Variants in TRDN observed in about 807,000 individuals in gnomAD.
The protein encoded by TRDN is triadin, also known as triadin in skeletal muscle.
A neutral mutation model predicts 149.7 loss-of-function variants in TRDN; 161 were observed. The observed-to-expected ratio is 1.08, with a 90% CI of 0.95 to 1.23. TRDN has a LOEUF of 1.23. Ranked by LOEUF, TRDN falls within the 50% of genes most tolerant of loss-of-function variation. TRDN has a pLI of 0.00. For missense variants in TRDN, 896 were observed against 823.5 expected (o/e 1.09, Z -1.08); for synonymous variants, 294 against 250.5 (o/e 1.17, Z -1.64).
chr6:123,596,214 A>G (rs1365677559), intron 1 of TRDN, among the ~76,000 whole-genome samples: 1 of 152,080 alleles, frequency 6.6e-6, no homozygotes, highest in Non-Finnish European at 1.5e-5. Context: ...CAAACCAACC[A>G]AAACACTCCC....
intron 4 of TRDN, among the ~76,000 whole-genome samples, chr6:123,543,446 C>T (rs576350888): frequency 2.0e-5 from 3 of 152,106 alleles, no homozygotes; most frequent in East Asian, 1.9e-4. Context: ...AAAACATGTC[C>T]GAATTCTGTA....
At chr6:123,308,104 C>T (rs111703079) in intron 24 of TRDN, among the ~76,000 whole-genome samples, 76 of 152,136 alleles carry the variant, frequency 5.0e-4, no homozygotes, top group African/African-American at 1.5e-3. Context: ...TAACTGAGAA[C>T]TTGCAGTATT....
At chr6:123,610,805 A>T (rs766860218) in intron 1 of TRDN, among the ~76,000 whole-genome samples, 5 of 152,210 alleles carry the variant, frequency 3.3e-5, no homozygotes, top group Non-Finnish European at 5.9e-5. Context: ...ATTTAACAAA[A>T]GAAAAAAACT....
chr6:123,437,711 A>G (rs1300753405), intron 12 of TRDN, among the ~76,000 whole-genome samples: 1 of 152,154 alleles, frequency 6.6e-6, no homozygotes, highest in Admixed American at 6.5e-5. Flanking sequence ...TTGTGAAACT[A>G]CTTCTTACCA....
chr6:123,540,280 C>G (rs1780760463), intron 4 of TRDN, among the ~76,000 whole-genome samples: 1 of 152,150 alleles, frequency 6.6e-6, no homozygotes, highest in Non-Finnish European at 1.5e-5. Flanking sequence ...AGAACAGGCT[C>G]TTCTACTGAG....
At chr6:123,574,893 T>TATAC (rs1554259184) in intron 1 of TRDN, among the ~76,000 whole-genome samples, 25 of 93,968 alleles carry the variant, frequency 2.7e-4, no homozygotes, top group African/African-American at 8.7e-4. Flanking sequence ...TATATATATA[T>TATAC]ACACACATTT....
chr6:123,476,754 C>G (rs1229826072), intron 9 of TRDN, among the ~76,000 whole-genome samples: 1 of 149,346 alleles, frequency 6.7e-6, no homozygotes, highest in South Asian at 2.1e-4. Flanking sequence ...GAAATAACGC[C>G]GCATATCTAT....
chr6:123,493,598 G>A (rs1346424662), intron 9 of TRDN, among the ~76,000 whole-genome samples: 3 of 151,980 alleles, frequency 2.0e-5, no homozygotes, highest in Non-Finnish European at 4.4e-5. Flanking sequence ...AATCCCAGAG[G>A]GAAAAATCAA....
intron 22 of TRDN, among the ~76,000 whole-genome samples, chr6:123,333,731 A>G (rs1276594905): frequency 6.6e-6 from 1 of 152,056 alleles, no homozygotes; most frequent in Admixed American, 6.6e-5. Flanking sequence ...CTGCATTAGG[A>G]AGGAGAGATA....
At chr6:123,311,699 C>A (rs137975747) in intron 24 of TRDN, among the ~76,000 whole-genome samples, 1 of 151,846 alleles carries the variant, frequency 6.6e-6, no homozygotes, top group African/African-American at 2.4e-5. Flanking sequence ...AGACTTTTGA[C>A]AGAGAGAATA....
At chr6:123,440,091 A>G (rs1044010485) in intron 10 of TRDN, among the ~76,000 whole-genome samples, 3 of 152,222 alleles carry the variant, frequency 2.0e-5, no homozygotes, top group African/African-American at 7.2e-5. Flanking sequence ...TAATGACTGC[A>G]TCTTATTAAA....
chr6:123,511,597 G>C (rs1779185189), intron 7 of TRDN, among the ~76,000 whole-genome samples: 1 of 151,958 alleles, frequency 6.6e-6, no homozygotes, highest in Admixed American at 6.6e-5. Context: ...TTTTTTTATT[G>C]CTGTGGTAAC....
intron 12 of TRDN, among the ~76,000 whole-genome samples, chr6:123,395,948 A>T (rs1772708178): frequency 6.6e-6 from 1 of 152,228 alleles, no homozygotes. Flanking sequence ...TAACAGTTTA[A>T]AACCAAATGC....
intron 33 of TRDN, among the ~76,000 whole-genome samples, chr6:123,264,093 TA>T (rs1776859619): frequency 6.6e-6 from 1 of 152,094 alleles, no homozygotes; most frequent in Non-Finnish European, 1.5e-5. Context: ...CCCGTGGGAC[TA>T]AAGAGTAATT....
intron 38 of TRDN, among the ~76,000 whole-genome samples, chr6:123,226,183 T>C (rs930432517): frequency 6.6e-6 from 1 of 151,788 alleles, no homozygotes; most frequent in Non-Finnish European, 1.5e-5. Flanking sequence ...CTGGATAAAA[T>C]GACCATGGTC....
chr6:123,311,074 A>C (rs1257401232), intron 24 of TRDN, among the ~76,000 whole-genome samples: 1 of 152,006 alleles, frequency 6.6e-6, no homozygotes, highest in African/African-American at 2.4e-5. Flanking sequence ...TACTGCTAAA[A>C]TAAATACCGA....
intron 20 of TRDN, among the ~76,000 whole-genome samples, chr6:123,362,566 T>C (rs1023762112): frequency 1.3e-5 from 2 of 152,164 alleles, no homozygotes; most frequent in African/African-American, 4.8e-5. Flanking sequence ...TTCTAACTCA[T>C]TTACATAGCA....
At chr6:123,395,145 A>T (rs2114466681) in intron 12 of TRDN, among the ~76,000 whole-genome samples, 1 of 152,326 alleles carries the variant, frequency 6.6e-6, no homozygotes, top group South Asian at 2.1e-4. Context: ...AAATATCAGT[A>T]TGTAAAGTAC....
At chr6:123,608,746 T>G (rs2114671655) in intron 1 of TRDN, among the ~76,000 whole-genome samples, 1 of 152,306 alleles carries the variant, frequency 6.6e-6, no homozygotes, top group Non-Finnish European at 1.5e-5. Context: ...GGATACGTTT[T>G]CTGGGGAAAA....
Sources: gnomAD v4.1 joint callset for allele counts (sites outside exome capture counted in the v4.1 genomes callset) on GRCh38, gnomAD v4.1.1 for gene constraint, MANE v1.5 for transcripts, NCBI Gene and HGNC (gene_info 2026-07-23, HGNC 2026-07-21) for gene names.